EIF2AK3: variants seen among roughly 807,000 people sequenced by gnomAD.
EIF2AK3 encodes eukaryotic translation initiation factor 2-alpha kinase 3.
In EIF2AK3, 50 loss-of-function variants were observed where a neutral mutation model predicts 113.5. The observed-to-expected ratio is 0.44, with a 90% confidence interval of 0.35 to 0.56. The LOEUF (loss-of-function observed/expected upper bound fraction) is 0.56. Ranked by LOEUF, EIF2AK3 falls within the 20% of genes least tolerant of loss-of-function variation. The pLI is 0.00. For missense variants in EIF2AK3, 1,185 were observed against 1,378.0 expected (o/e 0.86, Z 2.22); for synonymous variants, 448 against 495.4 (o/e 0.90, Z 1.27).
chr2:88,626,531 T>C (rs1675862471), intron 1 of EIF2AK3, among the ~76,000 whole-genome samples: 1 of 152,156 alleles, frequency 6.6e-6, no homozygotes, highest in African/African-American at 2.4e-5. Context: ...CACTACAGAG[T>C]TGTGTTTGAA....
chr2:88,568,528 A>C (rs1674203664), intron 14 of EIF2AK3, among the ~76,000 whole-genome samples: 1 of 152,228 alleles, frequency 6.6e-6, no homozygotes, highest in Non-Finnish European at 1.5e-5. Flanking sequence ...CCTTTTTAAT[A>C]ATCTGACAAA....
chr2:88,599,205 A>C (rs1017570682), intron 2 of EIF2AK3, among the ~76,000 whole-genome samples: 1 of 152,042 alleles, frequency 6.6e-6, no homozygotes, highest in Non-Finnish European at 1.5e-5. Context: ...GGTTCCTATT[A>C]CTCATTACTG....
Position 88,558,862 on chromosome 2 carries a change from C to A in EIF2AK3, c.3150+55G>T, listed in dbSNP as rs576434875. 2.1e-6 allele frequency: 3 copies of A among 1,402,726 alleles called. No individual in the cohort carries two copies. In the South Asian group the frequency reaches 3.5e-5, roughly 16 times the overall value. 86.9% of individuals were successfully genotyped at this position (1,402,726 alleles called of 1,614,324 possible). ...GGAAACTGAGTCGACTGCTAAGGAC[C>A]GCTTACGTTCTAAAGATGATTCTAA... is the stretch of plus-strand genomic sequence containing the variant. On this transcript the variant is annotated intron_variant, in intron 16 of 16. Coordinates refer to ENST00000303236, the MANE Select transcript of EIF2AK3 (RefSeq NM_004836.7).
At chr2:88,583,926 T>TAAC (rs758210548) in intron 9 of EIF2AK3, among the ~76,000 whole-genome samples, 1 of 151,902 alleles carries the variant, frequency 6.6e-6, no homozygotes, top group Non-Finnish European at 1.5e-5. Context: ...CCAGTAACAA[T>TAAC]AACAACAACA....
At chr2:88,560,993 T>C (rs1481052692) in intron 15 of EIF2AK3, among the ~76,000 whole-genome samples, 2 of 152,178 alleles carry the variant, frequency 1.3e-5, no homozygotes, top group Admixed American at 6.5e-5. Context: ...TAGGGAAGAA[T>C]GTGACAGAGG....
At chr2:88,579,376 T>TAA in intron 11 of EIF2AK3, 142 bp downstream of exon 11, 2 of 1,092,446 alleles carry the variant, frequency 1.8e-6, no homozygotes, top group South Asian at 2.9e-5. Flanking sequence ...GCTGGTTAAT[T>TAA]GGCAGCACTT....
intron 13 of EIF2AK3, 33 bp from the exon 14 acceptor site, chr2:88,571,074 G>A (rs545136745): frequency 6.2e-7 from 1 of 1,612,098 alleles, no homozygotes; most frequent in South Asian, 1.1e-5. Context: ...AAGTACAGTG[G>A]GTGTGCATGG....
rs1028869782 is a variant in EIF2AK3 at position 88,575,401 on chromosome 2, T to C, written c.2082A>G (p.Ser694=). ...LSSPSPMDAP[S]VKIRRMDPFA... ...AAGGATCCATTCTGCGTATTTTAAC[T>C]GATGGTGCATCCATTGGGCTAGGAG... Residue 694 remains serine, a synonymous_variant, in exon 13 of 17, where the codon TCA becomes TCG. Transcript: ENST00000303236. 6.2e-7 allele frequency: 1 copy of C among 1,612,328 alleles called. No homozygotes were observed. The highest frequency in any genetic ancestry group is 8.5e-7 in the Non-Finnish European group (1 of 1,180,020).
At chr2:88,577,664 C>T (rs1235575284) in intron 11 of EIF2AK3, among the ~76,000 whole-genome samples, 1 of 152,168 alleles carries the variant, frequency 6.6e-6, no homozygotes, top group Admixed American at 6.5e-5. Flanking sequence ...CAAGCGTGAG[C>T]CACTGTACCT....
At chr2:88,565,782 C>T (rs572219298) in intron 14 of EIF2AK3, among the ~76,000 whole-genome samples, 52 of 152,176 alleles carry the variant, frequency 3.4e-4, no homozygotes, top group Non-Finnish European at 6.3e-4. Context: ...AGTCTTTTTT[C>T]CTATAGATAG....
intron 7 of EIF2AK3, among the ~76,000 whole-genome samples, chr2:88,588,328 T>C (rs1224005020): frequency 6.6e-6 from 1 of 152,170 alleles, no homozygotes; most frequent in African/African-American, 2.4e-5. Context: ...ACATGACATA[T>C]GTAGTAAAAA....
At chr2:88,582,533 C>T (rs2104423921) in intron 10 of EIF2AK3, among the ~76,000 whole-genome samples, 1 of 152,188 alleles carries the variant, frequency 6.6e-6, no homozygotes, top group East Asian at 1.9e-4. Flanking sequence ...CAGCTGTGAC[C>T]ACATGACAGG....
intron 1 of EIF2AK3, among the ~76,000 whole-genome samples, chr2:88,616,549 C>T (rs944391673): frequency 9.2e-5 from 14 of 152,154 alleles, no homozygotes; most frequent in African/African-American, 3.4e-4. Flanking sequence ...GCCTCAGCCT[C>T]CCAAGTAGCT....
intron 15 of EIF2AK3, among the ~76,000 whole-genome samples, chr2:88,561,730 G>A (rs1020652596): frequency 3.3e-5 from 5 of 152,102 alleles, no homozygotes; most frequent in Admixed American, 6.5e-5. Context: ...ATAGTGGCAC[G>A]TGCCTGTGGT....
chr2:88,607,473 A>C (rs538575883), intron 2 of EIF2AK3, among the ~76,000 whole-genome samples: 40 of 152,330 alleles, frequency 2.6e-4, no homozygotes, highest in African/African-American at 9.4e-4. Context: ...CATGCACCTT[A>C]ACGGTTTTAG....
chr2:88,584,494 G>A (rs1046646151), intron 9 of EIF2AK3, among the ~76,000 whole-genome samples: 1 of 141,682 alleles, frequency 7.1e-6, no homozygotes, highest in Non-Finnish European at 1.5e-5. Flanking sequence ...TCCAGCTTGG[G>A]TGACAGAGTG....
intron 16 of EIF2AK3, 81 bp from the exon 17 acceptor site, chr2:88,558,017 A>G: frequency 7.3e-7 from 1 of 1,363,850 alleles, no homozygotes; most frequent in Non-Finnish European, 1.0e-6. Context: ...CTGGCAAAAT[A>G]TTTCTGTACA....
chr2:88,574,357 T>C lies in EIF2AK3; in HGVS notation c.2817+309A>G, dbSNP rs370902841. ...CAAAAAAACAGGCTATATCTGCTCA[T>C]GGTGGATTTTACCTAAAGATTCTTT... is the stretch of plus-strand genomic sequence containing the variant. On this transcript the variant is annotated intron_variant, in intron 13 of 16. Transcript: ENST00000303236. 6.6e-5 allele frequency among the ~76,000 whole-genome samples: 10 copies of C among 152,334 alleles called. No homozygotes were observed. The East Asian group carries it at 1.7e-3, about 26-fold the overall frequency.
At chr2:88,570,792 G>A in intron 14 of EIF2AK3, 82 bp downstream of exon 14, 1 of 1,547,116 alleles carries the variant, frequency 6.5e-7, no homozygotes, top group South Asian at 1.1e-5. Context: ...TTAGATTACT[G>A]GGTATTTTAA....
Sources: gnomAD v4.1 joint callset for allele counts (sites outside exome capture counted in the v4.1 genomes callset) on GRCh38, gnomAD v4.1.1 for gene constraint, MANE v1.5 for transcripts, NCBI Gene and HGNC (gene_info 2026-07-23, HGNC 2026-07-21) for gene names.